Variants in IL4R observed in about 807,000 individuals in gnomAD.
IL4R encodes the protein interleukin-4 receptor subunit alpha.
Under a neutral mutation model 41.5 loss-of-function variants are expected in IL4R, and 17 were observed. That is an observed-to-expected ratio of 0.41 (90% CI 0.28 to 0.61). IL4R has a LOEUF of 0.61. IL4R is among the 20% of genes least tolerant of loss of function. The pLI is 0.31. For missense variants in IL4R, 974 were observed against 1,043.1 expected (o/e 0.93, Z 0.91); for synonymous variants, 402 against 422.9 (o/e 0.95, Z 0.61).
intron 1 of IL4R, among the ~76,000 whole-genome samples, chr16:27,327,429 A>T (rs537904471): frequency 3.3e-5 from 5 of 152,126 alleles, no homozygotes; most frequent in East Asian, 1.9e-4. Flanking sequence ...CGAGTTTTTT[A>T]AAAAAAGTGA....
intron 2 of IL4R, 88 bp from the exon 3 acceptor site, chr16:27,340,098 G>GC (rs2085392436): frequency 1.3e-6 from 1 of 789,154 alleles, no homozygotes; most frequent in Non-Finnish European, 2.1e-6. Context: ...CAAATAAATG[G>GC]CCAGGGCAGG....
In IL4R at chr16:27,363,542, G is replaced by A. The variant is rs762839588; in HGVS notation, c.2190G>A (p.Gln730=). The A allele has an allele frequency of 1.9e-6, 3 of 1,614,192 alleles. No homozygotes were observed. The highest frequency in any genetic ancestry group is 3.3e-5 in the Admixed American group (2 of 60,032). Residue 730 remains glutamine (Q), a synonymous_variant, in exon 11 of 11, where the codon CAG becomes CAA. Transcript: ENST00000395762. ...LCGHLKQCHG[Q]EDGGQTPVMA... ...GCCACCTGAAACAGTGTCATGGCCA[G>A]GAGGATGGTGGCCAGACCCCTGTCA... is the stretch of plus-strand genomic sequence containing the variant.
chr16:27,334,907 C>T (rs1440499862), intron 2 of IL4R, among the ~76,000 whole-genome samples: 1 of 152,078 alleles, frequency 6.6e-6, no homozygotes, highest in Admixed American at 6.6e-5. Context: ...CTGAACACGT[C>T]CTATGTGCCA....
upstream of IL4R, chr16:27,313,769 G>A (rs2084537142): frequency 6.7e-6 from 2 of 296,852 alleles, no homozygotes; most frequent in Admixed American, 6.5e-5. Context: ...AGAGGACGGC[G>A]GCTCGGACTG....
intron 1 of IL4R, among the ~76,000 whole-genome samples, chr16:27,324,101 C>T (rs900873942): frequency 6.6e-6 from 1 of 152,164 alleles, no homozygotes; most frequent in Non-Finnish European, 1.5e-5. Flanking sequence ...AGAGGGGACA[C>T]GTGGCCAGTC....
At position 27,362,960 on chromosome 16, in the gene IL4R, C is replaced by A. The variant is rs1276539348; in HGVS notation, c.1608C>A (p.Leu536=). Reference sequence around the variant, plus strand: ...CCGAGATGCCCTGTGTCCCCCAGCTCTCTGAGCCAACCACTGTGCCCCAAC... The same window carrying A: ...CCGAGATGCCCTGTGTCCCCCAGCTATCTGAGCCAACCACTGTGCCCCAAC... ...VEPEMPCVPQ[L]SEPTTVPQPE... is the part of the protein sequence containing the mutation. The change falls in exon 11 of 11, where the codon CTC becomes CTA. Residue 536 remains leucine, a synonymous_variant. Transcript: ENST00000395762. The A allele has an allele frequency of 1.2e-6, 2 of 1,614,186 alleles. No individual in the cohort carries two copies. Among genetic ancestry groups the A allele is most frequent in the Admixed American group, 3.3e-5 (2 of 60,036 alleles).
At position 27,355,918 on chromosome 16, in the gene IL4R, G is replaced by T; in HGVS notation, c.770+11G>T. On this transcript the variant is annotated intron_variant, in intron 8 of 10. Coordinates refer to ENST00000395762, the MANE Select transcript of IL4R (RefSeq NM_000418.4). ...TGTCAGCATCACCAAGTGAGTCCTG[G>T]GCCCAGTGCTGCCGAGCAGTCCCTC... 10 of 1,597,674 alleles carry T rather than the reference G, an allele frequency of 6.3e-6. No homozygotes were observed. Among genetic ancestry groups the T allele is most frequent in the Non-Finnish European group, 8.6e-6 (10 of 1,166,356 alleles).
rs902076661 is a variant in IL4R at position 27,344,784 on chromosome 16, G to A, written c.210-85G>A. The stretch of plus-strand genomic sequence containing the variant: ...TCGGGAAGCTGGAAGAGTCTGATGC[G>A]GTTCCTGGAGGCATGTCCCGGACAC... On this transcript the variant is annotated intron_variant, in intron 4 of 10. Coordinates refer to ENST00000395762, the MANE Select transcript of IL4R (RefSeq NM_000418.4). The A allele has an allele frequency of 6.7e-6, 9 of 1,335,940 alleles. No individual in the cohort carries two copies. The East Asian group carries it at 7.2e-5, about 11-fold the overall frequency. The allele number at this position is 1,335,940 out of a possible 1,614,324, so 82.8% of individuals were successfully genotyped here. A position where few individuals can be genotyped will look rare whatever the true frequency, so the allele number is the denominator to read the frequency against.
upstream of IL4R, chr16:27,313,916 C>G (rs1450021082): frequency 1.0e-6 from 1 of 984,544 alleles, no homozygotes; most frequent in Non-Finnish European, 1.2e-6. Context: ...GCTGGGTCTC[C>G]GCGCCCAGGA....
In IL4R at chr16:27,363,410, A is replaced by G; in HGVS notation, c.2058A>G (p.Val686=). 6.2e-7 allele frequency: 1 copy of G among 1,614,146 alleles called. No homozygotes were observed. The highest frequency in any genetic ancestry group is 1.6e-4 in the Middle Eastern group (1 of 6,062). ...EHLGLEPGEK[V]EDMPKPPLPQ... is the part of the protein sequence containing the mutation. ...TGGGTCTGGAGCCGGGGGAAAAGGT[A>G]GAGGACATGCCAAAGCCCCCACTTC... The change falls in exon 11 of 11, where the codon GTA becomes GTG. Residue 686 remains valine (V), a synonymous_variant. Transcript: ENST00000395762.
chr16:27,363,065 C>T lies in IL4R; in HGVS notation c.1713C>T (p.Pro571=). The change falls in exon 11 of 11, where the codon CCC becomes CCT. Residue 571 remains proline, a synonymous_variant. Transcript: ENST00000395762. ...HGAAAAPVSA[P]TSGYQEFVHA... Reference sequence around the variant, plus strand: ...CAGCTGCAGCCCCCGTCTCGGCCCCCACCAGTGGCTATCAGGAGTTTGTAC... The same window carrying T: ...CAGCTGCAGCCCCCGTCTCGGCCCCTACCAGTGGCTATCAGGAGTTTGTAC... 6.2e-7 allele frequency: 1 copy of T among 1,614,174 alleles called. No homozygotes were observed. The highest frequency in any genetic ancestry group is 8.5e-7 in the Non-Finnish European group (1 of 1,180,050).
intron 8 of IL4R, among the ~76,000 whole-genome samples, chr16:27,356,525 G>A (rs1213943756): frequency 1.3e-5 from 2 of 152,168 alleles, no homozygotes; most frequent in Non-Finnish European, 2.9e-5. Flanking sequence ...ATCTTCTGGG[G>A]TGCTTTTTGC....
In IL4R at chr16:27,355,800, A is replaced by G; in HGVS notation, c.671-8A>G. ...ACCTCAGCTCATGGCTTCCCCTCCC[A>G]CTTCCAGCCTACAGGGAGCCCTTCG... On this transcript the variant is annotated splice_polypyrimidine_tract_variant and splice_region_variant and intron_variant, in intron 7 of 10. Coordinates refer to ENST00000395762, the MANE Select transcript of IL4R (RefSeq NM_000418.4). 6.2e-7 allele frequency: 1 copy of G among 1,606,306 alleles called. No homozygotes were observed. The highest frequency in any genetic ancestry group is 1.3e-5 in the African/African-American group (1 of 74,850).
At chr16:27,336,852 G>A (rs1224035449) in intron 2 of IL4R, among the ~76,000 whole-genome samples, 1 of 152,054 alleles carries the variant, frequency 6.6e-6, no homozygotes, top group Non-Finnish European at 1.5e-5. Flanking sequence ...GCTGAGGCAG[G>A]CGGATCACCT....
intron 1 of IL4R, among the ~76,000 whole-genome samples, chr16:27,325,990 C>T (rs1311099488): frequency 6.6e-6 from 1 of 152,120 alleles, no homozygotes; most frequent in African/African-American, 2.4e-5. Flanking sequence ...TCTCCCGCCC[C>T]ACAGCATCCA....
In IL4R at chr16:27,359,010, G is replaced by A; in HGVS notation, c.849+16G>A. On this transcript the variant is annotated intron_variant, in intron 9 of 10. Transcript: ENST00000395762. ...GGATGCTCAGGTAGGAGTAGGCGTG[G>A]ATGAGGACATGTGGGACTGTGTACA... 3 of 1,598,930 alleles carry A rather than the reference G, an allele frequency of 1.9e-6. No individual in the cohort carries two copies.
intron 6 of IL4R, among the ~76,000 whole-genome samples, chr16:27,350,255 T>C (rs2085815296): frequency 6.6e-6 from 1 of 152,176 alleles, no homozygotes; most frequent in South Asian, 2.1e-4. Flanking sequence ...TTCCAGGGTG[T>C]AAGATTTCTT....
chr16:27,343,379 GT>G (rs2085505828), intron 4 of IL4R, among the ~76,000 whole-genome samples: 3 of 152,104 alleles, frequency 2.0e-5, no homozygotes, highest in African/African-American at 7.2e-5. Flanking sequence ...TGCTGTAGTT[GT>G]AACAGAAACT....
chr16:27,313,813 G>C (rs1166845990), upstream of IL4R: 14 of 661,714 alleles, frequency 2.1e-5, 1 homozygote, highest in Admixed American at 8.9e-4. Flanking sequence ...CGACAGGGGC[G>C]CGAGGTGGCC....
Sources: gnomAD v4.1 joint callset for allele counts (sites outside exome capture counted in the v4.1 genomes callset) on GRCh38, gnomAD v4.1.1 for gene constraint, MANE v1.5 for transcripts, NCBI Gene and HGNC (gene_info 2026-07-23, HGNC 2026-07-21) for gene names.